The following DENND1B variants were observed in gnomAD, a reference collection of about 807,000 sequenced individuals.
DENND1B encodes DENN domain-containing protein 1B.
A neutral mutation model predicts 90.1 loss-of-function variants in DENND1B; 59 were observed. That is an observed-to-expected ratio of 0.65 (90% CI 0.53 to 0.81). The LOEUF (loss-of-function observed/expected upper bound fraction) is 0.81. Among genes scored for constraint, DENND1B ranks in the 40% least tolerant of loss-of-function variants. The probability of loss-of-function intolerance (pLI) is 0.00; values close to 1 mark genes in which losing one functional copy is unlikely to be tolerated. For synonymous variants in DENND1B, 337 were observed against 324.6 expected (o/e 1.04, Z -0.41); for missense variants, 862 against 912.6 (o/e 0.94, Z 0.71).
chr1:197,514,123 C>T (rs1308516499), intron 20 of DENND1B, among the ~76,000 whole-genome samples: 4 of 151,736 alleles, frequency 2.6e-5, no homozygotes, highest in African/African-American at 7.2e-5. Context: ...TTTAGCATTC[C>T]ATGATAACGA....
intron 5 of DENND1B, among the ~76,000 whole-genome samples, chr1:197,669,745 C>A (rs1293388721): frequency 6.6e-6 from 1 of 151,924 alleles, no homozygotes; most frequent in South Asian, 2.1e-4. Context: ...AGTTTTGACA[C>A]CTCCTACTTC....
In DENND1B at chr1:197,609,015, AT is replaced by A. The variant is rs202247274; in HGVS notation, c.820-1842del. Among the ~76,000 whole-genome samples, 892 of 150,248 alleles carry A rather than the reference AT, an allele frequency of 5.9e-3. 13 individuals are homozygous for A. Among genetic ancestry groups the A allele is most frequent in the African/African-American group, 0.02 (835 of 41,260 alleles). On this transcript the variant is annotated intron_variant, in intron 12 of 22. Transcript: ENST00000620048. The stretch of plus-strand genomic sequence containing the variant: ...TTGGATTAGTATCACTATTTCATCT[AT>A]TTTTTCCCTCCAAATTAGACTTCAG...
Position 197,607,073 on chromosome 1 carries a change from C to T in DENND1B, c.921G>A (p.Val307=). The change falls in exon 13 of 23, where the codon GTG becomes GTA. Residue 307 remains valine (V), a splice_region_variant and synonymous_variant. Coordinates refer to ENST00000620048, the MANE Select transcript of DENND1B (RefSeq NM_001195215.2). The stretch of plus-strand genomic sequence containing the variant: ...ACCACTGAATAGCCTTCATACTTAC[C>T]ACATCACTTGGTAGGTTGTTCAAGT... The part of the protein sequence containing the change: ...FSDLNNLPSD[V]VSALKNKLKK... 4.4e-6 allele frequency: 7 copies of T among 1,601,718 alleles called. No individual in the cohort carries two copies. Among genetic ancestry groups the T allele is most frequent in the Non-Finnish European group, 6.0e-6 (7 of 1,171,610 alleles).
chr1:197,767,017 C>G (rs192150484), intron 2 of DENND1B, among the ~76,000 whole-genome samples: 10 of 152,172 alleles, frequency 6.6e-5, no homozygotes, highest in Admixed American at 6.5e-4. Flanking sequence ...TGGTCTCAAA[C>G]TCCTGACCTC....
At chr1:197,549,212 C>T (rs965750715) in intron 16 of DENND1B, among the ~76,000 whole-genome samples, 20 of 152,020 alleles carry the variant, frequency 1.3e-4, no homozygotes, top group Non-Finnish European at 1.3e-4. Context: ...TCATTTATGC[C>T]AAGACTTTCT....
In DENND1B at chr1:197,595,343, A is replaced by G; in HGVS notation, c.922-10T>C. Reference sequence around the variant, plus strand: ...TTTTCAAGGCCGAGACCTGCATGACAGAGAGGAACAGTTAAATTAACACCT... The same window carrying G: ...TTTTCAAGGCCGAGACCTGCATGACGGAGAGGAACAGTTAAATTAACACCT... On this transcript the variant is annotated splice_polypyrimidine_tract_variant and intron_variant, in intron 13 of 22. Transcript: ENST00000620048. 5 of 1,609,566 alleles carry G rather than the reference A, an allele frequency of 3.1e-6. No homozygotes were observed. The highest frequency in any genetic ancestry group is 4.2e-6 in the Non-Finnish European group (5 of 1,177,936).
intron 3 of DENND1B, among the ~76,000 whole-genome samples, chr1:197,680,905 T>G (rs1656618155): frequency 6.6e-6 from 1 of 152,118 alleles, no homozygotes; most frequent in African/African-American, 2.4e-5. Flanking sequence ...TATATGAGGA[T>G]TAAGTGAAAA....
intron 15 of DENND1B, among the ~76,000 whole-genome samples, chr1:197,561,231 C>G (rs1571879759): frequency 6.6e-6 from 1 of 151,914 alleles, no homozygotes; most frequent in African/African-American, 2.4e-5. Flanking sequence ...ATCACAATTT[C>G]TGTCTCACCA....
intron 3 of DENND1B, among the ~76,000 whole-genome samples, chr1:197,694,257 A>C (rs1240466986): frequency 6.6e-6 from 1 of 151,456 alleles, no homozygotes; most frequent in East Asian, 1.9e-4. Flanking sequence ...TTTTAAAGCA[A>C]TATACAGTTA....
At chr1:197,644,759 T>C (rs139257988) in intron 9 of DENND1B, among the ~76,000 whole-genome samples, 2,028 of 152,284 alleles carry the variant, frequency 0.013, 26 homozygotes, top group Non-Finnish European at 0.021. Context: ...AAATTTACTA[T>C]TGGCTTCTTG....
intron 14 of DENND1B, among the ~76,000 whole-genome samples, chr1:197,586,164 T>C (rs1420886274): frequency 1.3e-5 from 2 of 152,194 alleles, no homozygotes; most frequent in Non-Finnish European, 2.9e-5. Context: ...TCCAACAGTG[T>C]TTCCCAAAAG....
Position 197,508,038 on chromosome 1 carries a change from A to T in DENND1B, c.*2422T>A, listed in dbSNP as rs1667807487. On this transcript the variant is annotated 3_prime_UTR_variant, in exon 23 of 23. Transcript: ENST00000620048. ...CTAAATATCCTCAAAGCAACACAGT[A>T]TTATAACCAAACACCTTGAAAGGTG... The T allele has an allele frequency of 6.6e-6, 1 of 151,646 alleles. No homozygotes were observed. Among genetic ancestry groups the T allele is most frequent in the East Asian group, 1.9e-4 (1 of 5,154 alleles). 9.4% of individuals were successfully genotyped at this position (151,646 alleles called of 1,614,324 possible). A position where few individuals can be genotyped will look rare whatever the true frequency, so the allele number is the denominator to read the frequency against.
intron 3 of DENND1B, among the ~76,000 whole-genome samples, chr1:197,700,313 CACACACCT>C (rs1658894883): frequency 1.3e-5 from 2 of 152,026 alleles, no homozygotes; most frequent in Admixed American, 1.3e-4. Flanking sequence ...GAAATAACAC[CACACACCT>C]ACAACCATCT....
intron 3 of DENND1B, among the ~76,000 whole-genome samples, chr1:197,697,966 AGT>A (rs1305472072): frequency 6.6e-6 from 1 of 152,118 alleles, no homozygotes; most frequent in Non-Finnish European, 1.5e-5. Flanking sequence ...ACACAATAAT[AGT>A]GGGAGACTTT....
intron 6 of DENND1B, among the ~76,000 whole-genome samples, chr1:197,653,851 G>A (rs1243227699): frequency 6.6e-6 from 1 of 152,062 alleles, no homozygotes; most frequent in African/African-American, 2.4e-5. Flanking sequence ...TAATTAATGT[G>A]AATTCCACAT....
rs561351457 is a variant in DENND1B at position 197,542,006 on chromosome 1, C to G, written c.1351-991G>C. Among the ~76,000 whole-genome samples the G allele has an allele frequency of 2.0e-5, 3 of 152,254 alleles. No individual in the cohort carries two copies. In the South Asian group the frequency reaches 6.2e-4, roughly 32 times the overall value. Reference sequence around the variant, plus strand: ...ACTGATTCATTAAAATAATTGTTGTCCCATGTCCTCCTCTGACTTCCTTCA... The same window carrying G: ...ACTGATTCATTAAAATAATTGTTGTGCCATGTCCTCCTCTGACTTCCTTCA... On this transcript the variant is annotated intron_variant, in intron 18 of 22. Transcript: ENST00000620048.
chr1:197,617,545 G>T, intron 11 of DENND1B, 114 bp downstream of exon 11: 1 of 706,690 alleles, frequency 1.4e-6, no homozygotes, highest in Non-Finnish European at 2.4e-6. Flanking sequence ...TTATTAAAAT[G>T]TAAGTTTCTG....
chr1:197,665,007 A>G (rs1480214306), intron 5 of DENND1B, among the ~76,000 whole-genome samples: 1 of 152,146 alleles, frequency 6.6e-6, no homozygotes, highest in Non-Finnish European at 1.5e-5. Context: ...TAGCATATGA[A>G]ACAATTCTAA....
At chr1:197,751,072 A>T (rs2102409757) in intron 2 of DENND1B, among the ~76,000 whole-genome samples, 1 of 152,292 alleles carries the variant, frequency 6.6e-6, no homozygotes, top group East Asian at 1.9e-4. Context: ...TTCGAAAAGC[A>T]CTATCAATCA....
Sources: gnomAD v4.1 joint callset for allele counts (sites outside exome capture counted in the v4.1 genomes callset) on GRCh38, gnomAD v4.1.1 for gene constraint, MANE v1.5 for transcripts, NCBI Gene and HGNC (gene_info 2026-07-23, HGNC 2026-07-21) for gene names.